The following PPFIA2 variants were observed in gnomAD, a reference collection of about 807,000 sequenced individuals.
PPFIA2 encodes PPFI scaffold protein A2, also known as liprin-alpha-2.
A neutral mutation model predicts 175.5 loss-of-function variants in PPFIA2; 46 were observed. The observed-to-expected ratio is 0.26, with a 90% CI of 0.21 to 0.34. PPFIA2 has a LOEUF of 0.34. Ranked by LOEUF, PPFIA2 falls within the 10% of genes least tolerant of loss-of-function variation. The probability of loss-of-function intolerance (pLI) is 1.00; values close to 1 mark genes in which losing one functional copy is unlikely to be tolerated. For synonymous variants in PPFIA2, 568 were observed against 511.4 expected (o/e 1.11, Z -1.49); for missense variants, 1,179 against 1,506.1 (o/e 0.78, Z 3.60).
intron 3 of PPFIA2, among the ~76,000 whole-genome samples, chr12:81,734,830 A>G (rs2081364275): frequency 6.6e-6 from 1 of 151,812 alleles, no homozygotes; most frequent in African/African-American, 2.4e-5. Flanking sequence ...GTCACTTCCT[A>G]TGCCCACCTC....
At chr12:81,453,386 C>A (rs909301997) in intron 5 of PPFIA2, among the ~76,000 whole-genome samples, 10 of 152,014 alleles carry the variant, frequency 6.6e-5, no homozygotes, top group Non-Finnish European at 1.5e-4. Context: ...TACAAAAATT[C>A]CCAGTTTTTC....
At chr12:81,395,737 A>T (rs2142434587) in intron 8 of PPFIA2, among the ~76,000 whole-genome samples, 1 of 152,124 alleles carries the variant, frequency 6.6e-6, no homozygotes, top group East Asian at 1.9e-4. Flanking sequence ...GCTCCCAGAG[A>T]TTACCCAGGG....
chr12:81,581,214 T>C (rs917782809), intron 4 of PPFIA2, among the ~76,000 whole-genome samples: 3 of 151,154 alleles, frequency 2.0e-5, no homozygotes, highest in Non-Finnish European at 4.4e-5. Flanking sequence ...GTGGTGTACC[T>C]TGTTATAGCA....
At chr12:81,534,947 G>T (rs547208847) in intron 4 of PPFIA2, among the ~76,000 whole-genome samples, 1 of 151,772 alleles carries the variant, frequency 6.6e-6, no homozygotes, top group South Asian at 2.1e-4. Flanking sequence ...GAGGTTTCCT[G>T]CTTCCCCCAG....
chr12:81,584,142 G>C (rs962963426), intron 4 of PPFIA2, among the ~76,000 whole-genome samples: 8 of 151,808 alleles, frequency 5.3e-5, no homozygotes, highest in Non-Finnish European at 7.4e-5. Flanking sequence ...GCAAGTTCTT[G>C]ATAAGTGTTT....
At chr12:81,543,510 A>G (rs2066525516) in intron 4 of PPFIA2, among the ~76,000 whole-genome samples, 1 of 152,178 alleles carries the variant, frequency 6.6e-6, no homozygotes, top group Non-Finnish European at 1.5e-5. Flanking sequence ...ATAAGTAAAT[A>G]AATGTGAAGA....
At chr12:81,740,795 A>G (rs1329181903) in intron 3 of PPFIA2, among the ~76,000 whole-genome samples, 4 of 152,166 alleles carry the variant, frequency 2.6e-5, no homozygotes, top group Non-Finnish European at 5.9e-5. Flanking sequence ...TTCTGTTGGT[A>G]TCATTCCTTC....
At chr12:81,322,994 A>G (rs1485240809) in intron 22 of PPFIA2, among the ~76,000 whole-genome samples, 4 of 152,176 alleles carry the variant, frequency 2.6e-5, no homozygotes, top group Admixed American at 6.6e-5. Context: ...CTGGATGGTA[A>G]GTGTGCCTCA....
At chr12:81,604,618 TC>T (rs1183356586) in intron 4 of PPFIA2, among the ~76,000 whole-genome samples, 6 of 151,612 alleles carry the variant, frequency 4.0e-5, no homozygotes, top group Non-Finnish European at 7.4e-5. Flanking sequence ...TATTACAATA[TC>T]ACACCTCAAA....
chr12:81,317,563 G>T (rs1338485193), intron 22 of PPFIA2, among the ~76,000 whole-genome samples: 2 of 151,422 alleles, frequency 1.3e-5, no homozygotes, highest in African/African-American at 4.8e-5. Context: ...ATGGACGTGT[G>T]TAGAGGAAGA....
In PPFIA2 at chr12:81,749,832, GT is replaced by G. The variant is rs1415349564; in HGVS notation, c.249+4140del. Among the ~76,000 whole-genome samples, 6 of 144,292 alleles carry G rather than the reference GT, an allele frequency of 4.2e-5. 1 individual carries two copies. Among genetic ancestry groups the G allele is most frequent in the African/African-American group, 1.5e-4 (6 of 41,052 alleles). The allele number at this position is 144,292 out of a possible 152,430, so 94.7% of individuals were successfully genotyped here. A position where few individuals can be genotyped will look rare whatever the true frequency, so the allele number is the denominator to read the frequency against. On this transcript the variant is annotated intron_variant, in intron 3 of 32. Coordinates refer to ENST00000549396, the MANE Select transcript of PPFIA2 (RefSeq NM_003625.5). ...TTCTGACTCAAACTGGTGATGTGTA[GT>G]TGGGTCACAGTACAAATCTGATCTT...
chr12:81,261,196 G>T (rs1296706653), intron 32 of PPFIA2: 1 of 152,058 alleles, frequency 6.6e-6, no homozygotes, highest in Non-Finnish European at 1.5e-5. Flanking sequence ...ATAAAGGTTT[G>T]AATTTTTCAC....
chr12:81,586,208 C>T (rs1046108646), intron 4 of PPFIA2, among the ~76,000 whole-genome samples: 2 of 151,876 alleles, frequency 1.3e-5, no homozygotes, highest in African/African-American at 4.8e-5. Context: ...CTTTTCTTCA[C>T]CAAAATAATT....
At chr12:81,493,785 T>TAC (rs1443948248) in intron 4 of PPFIA2, among the ~76,000 whole-genome samples, 8 of 136,876 alleles carry the variant, frequency 5.8e-5, no homozygotes, top group African/African-American at 2.3e-4. Flanking sequence ...TATATATATA[T>TAC]ATACACATTG....
intron 19 of PPFIA2, 69 bp downstream of exon 19, chr12:81,344,595 A>G: frequency 8.7e-7 from 1 of 1,146,664 alleles, no homozygotes; most frequent in Non-Finnish European, 1.2e-6. Context: ...TAGAGGGAAT[A>G]TTATTTTAAA....
chr12:81,674,918 G>A (rs1334586056), intron 4 of PPFIA2, among the ~76,000 whole-genome samples: 1 of 151,870 alleles, frequency 6.6e-6, no homozygotes, highest in African/African-American at 2.4e-5. Context: ...GTTCTAGATA[G>A]CTCCTTAACA....
rs570763791 is a variant in PPFIA2 at position 81,353,882 on chromosome 12, C to T, written c.1774-543G>A. On this transcript the variant is annotated intron_variant, in intron 16 of 32. Coordinates refer to ENST00000549396, the MANE Select transcript of PPFIA2 (RefSeq NM_003625.5). ...ACAGAGATTTCAGGGTTAGTTCCAG[C>T]CCACCCTGATAAAGTGAATATGACA... Among the ~76,000 whole-genome samples the T allele has an allele frequency of 1.3e-4, 20 of 152,254 alleles. No homozygotes were observed. The South Asian group carries it at 3.3e-3, about 25-fold the overall frequency.
At chr12:81,415,207 AAAAATATATATATATATATATATATATAT>A (rs1939019727) in intron 7 of PPFIA2, among the ~76,000 whole-genome samples, 1 of 41,282 alleles carries the variant, frequency 2.4e-5, no homozygotes, top group Non-Finnish European at 4.6e-5. Context: ...AAAAAAAAAA[AAAAATATATATATATATATATATATATAT>A]ATATATATAT....
intron 4 of PPFIA2, among the ~76,000 whole-genome samples, chr12:81,595,005 G>A (rs2059088394): frequency 6.6e-6 from 1 of 152,058 alleles, no homozygotes; most frequent in African/African-American, 2.4e-5. Context: ...GTGCAGATAT[G>A]GTTTGAAAAC....
Sources: gnomAD v4.1 joint callset for allele counts (sites outside exome capture counted in the v4.1 genomes callset) on GRCh38, gnomAD v4.1.1 for gene constraint, MANE v1.5 for transcripts, NCBI Gene and HGNC (gene_info 2026-07-23, HGNC 2026-07-21) for gene names.